Variants in WASF3 observed in about 807,000 individuals in gnomAD.
WASF3 encodes WASP family member 3.
In WASF3, 11 loss-of-function variants were observed where a neutral mutation model predicts 46.6. The ratio of observed to expected loss-of-function variants is 0.24; its 90% CI spans 0.15 to 0.39. The LOEUF is 0.39. Among genes scored for constraint, WASF3 ranks in the 10% least tolerant of loss-of-function variants. The pLI, the probability that WASF3 is intolerant of heterozygous loss-of-function variation, is 1.00. For synonymous variants in WASF3, 242 were observed against 259.7 expected (o/e 0.93, Z 0.65); for missense variants, 576 against 669.8 (o/e 0.86, Z 1.55).
chr13:26,651,689 A>T (rs2137433021), intron 3 of WASF3, among the ~76,000 whole-genome samples: 1 of 152,352 alleles, frequency 6.6e-6, no homozygotes, highest in Admixed American at 6.5e-5. Flanking sequence ...GACAAAGTAA[A>T]TATGGGATTA....
At chr13:26,589,819 CT>C (rs1880236566) in intron 1 of WASF3, among the ~76,000 whole-genome samples, 1 of 152,100 alleles carries the variant, frequency 6.6e-6, no homozygotes, top group Admixed American at 6.5e-5. Flanking sequence ...GGTAAACATA[CT>C]CAATTTGACT....
chr13:26,544,488 G>T, the WASF3 span, among the ~76,000 whole-genome samples: 3 of 152,286 alleles, frequency 2.0e-5, no homozygotes, highest in South Asian at 2.1e-4. Flanking sequence ...AATGGGAGCC[G>T]CCAGGATGCC....
chr13:26,671,781 T>C, intron 5 of WASF3, 91 bp from the exon 6 acceptor site: 1 of 833,322 alleles, frequency 1.2e-6, no homozygotes, highest in Non-Finnish European at 1.9e-6. Context: ...GATGTTATAA[T>C]TTCATGAGTT....
At chr13:26,571,363 A>G (rs1879628229) in intron 1 of WASF3, among the ~76,000 whole-genome samples, 1 of 152,114 alleles carries the variant, frequency 6.6e-6, no homozygotes, top group Non-Finnish European at 1.5e-5. Context: ...CTAGTACTTG[A>G]GTAGTTTTCA....
intron 2 of WASF3, among the ~76,000 whole-genome samples, chr13:26,636,925 G>C (rs1311469668): frequency 6.6e-6 from 1 of 152,194 alleles, no homozygotes; most frequent in Non-Finnish European, 1.5e-5. Context: ...GAGATACCCA[G>C]CATGCCTCTG....
chr13:26,541,713 G>A, the WASF3 span, among the ~76,000 whole-genome samples: 3 of 151,944 alleles, frequency 2.0e-5, no homozygotes, highest in African/African-American at 7.3e-5. Flanking sequence ...AAACTCCTGG[G>A]CTCAAGTGAT....
At chr13:26,607,198 C>G (rs1045280532) in intron 1 of WASF3, among the ~76,000 whole-genome samples, 1 of 152,124 alleles carries the variant, frequency 6.6e-6, no homozygotes, top group Non-Finnish European at 1.5e-5. Flanking sequence ...TTAACACTTT[C>G]TAGCTTGTGG....
the WASF3 span, among the ~76,000 whole-genome samples, chr13:26,550,125 G>T: frequency 5.3e-5 from 8 of 152,158 alleles, no homozygotes; most frequent in African/African-American, 1.7e-4. Context: ...TGAAAACAAG[G>T]TACACATGGA....
intron 2 of WASF3, among the ~76,000 whole-genome samples, chr13:26,635,248 A>G (rs944803002): frequency 7.9e-5 from 12 of 152,136 alleles, no homozygotes; most frequent in Non-Finnish European, 1.5e-4. Context: ...ATCTTCAATC[A>G]CTGATATCTT....
intron 1 of WASF3, among the ~76,000 whole-genome samples, chr13:26,567,837 A>G (rs917971254): frequency 3.3e-5 from 5 of 152,106 alleles, no homozygotes; most frequent in African/African-American, 9.7e-5. Context: ...ATATATATAT[A>G]AAGAAAGCGA....
Position 26,687,257 on chromosome 13 carries a change from T to C in WASF3, c.*1412T>C, listed in dbSNP as rs1032425499. The C allele has an allele frequency of 1.3e-5, 2 of 152,234 alleles. No individual in the cohort carries two copies. Among genetic ancestry groups the C allele is most frequent in the African/African-American group, 4.8e-5 (2 of 41,462 alleles). 9.4% of individuals were successfully genotyped at this position (152,234 alleles called of 1,614,324 possible). ...AAGACGCTTGACTTATTAAGGACTTTAACCTACTCAACAGTATTTCATATC... is the reference window on the plus strand; with the variant it reads ...AAGACGCTTGACTTATTAAGGACTTCAACCTACTCAACAGTATTTCATATC... On this transcript the variant is annotated 3_prime_UTR_variant, in exon 10 of 10. Transcript: ENST00000335327.
intron 1 of WASF3, among the ~76,000 whole-genome samples, chr13:26,604,426 GAGTC>G (rs571601064): frequency 1.6e-3 from 241 of 152,342 alleles, no homozygotes; most frequent in African/African-American, 5.5e-3. Flanking sequence ...TAGGGGGAAA[GAGTC>G]AGGCGGCTGT....
At chr13:26,644,853 G>A (rs947023154) in intron 3 of WASF3, among the ~76,000 whole-genome samples, 6 of 152,158 alleles carry the variant, frequency 3.9e-5, no homozygotes, top group Non-Finnish European at 7.4e-5. Flanking sequence ...GAACATGAGC[G>A]AGACCGCAAG....
chr13:26,651,449 C>T (rs970877844), intron 3 of WASF3, among the ~76,000 whole-genome samples: 1 of 152,192 alleles, frequency 6.6e-6, no homozygotes, highest in Non-Finnish European at 1.5e-5. Context: ...AGGATGACAG[C>T]TGACTTGTCA....
chr13:26,629,843 T>C (rs1398834374), intron 2 of WASF3, among the ~76,000 whole-genome samples: 1 of 152,212 alleles, frequency 6.6e-6, no homozygotes, highest in Admixed American at 6.5e-5. Context: ...CCTGGACCCC[T>C]GGTTCTCTGT....
chr13:26,620,641 C>T (rs1881277816), intron 2 of WASF3: 1 of 152,148 alleles, frequency 6.6e-6, no homozygotes, highest in African/African-American at 2.4e-5. Context: ...ACTTCTGTAT[C>T]CCCACCCATG....
chr13:26,591,629 A>G (rs989151397), intron 1 of WASF3, among the ~76,000 whole-genome samples: 2 of 152,134 alleles, frequency 1.3e-5, no homozygotes, highest in African/African-American at 4.8e-5. Flanking sequence ...GTTATATTTC[A>G]TATTAGGGTT....
the WASF3 span, among the ~76,000 whole-genome samples, chr13:26,543,308 T>C: frequency 1.3e-5 from 2 of 152,188 alleles, no homozygotes; most frequent in Non-Finnish European, 2.9e-5. Context: ...CTGCTGAGTT[T>C]GAAAACAAAC....
At chr13:26,649,818 C>T (rs1047003630) in intron 3 of WASF3, among the ~76,000 whole-genome samples, 4 of 152,144 alleles carry the variant, frequency 2.6e-5, no homozygotes, top group African/African-American at 9.7e-5. Context: ...CGGTGGCTCA[C>T]ACCTGTAATC....
Sources: allele counts gnomAD v4.1 joint callset (sites outside exome capture counted in the v4.1 genomes callset), GRCh38; gene constraint gnomAD v4.1.1; transcripts MANE v1.5; gene names NCBI Gene and HGNC (gene_info 2026-07-23, HGNC 2026-07-21).